Variants in PKHD1 observed in about 807,000 individuals in gnomAD.
PKHD1 encodes PKHD1 ciliary IPT domain containing fibrocystin/polyductin.
In PKHD1, 291 loss-of-function variants were observed where a neutral mutation model predicts 412.0. The observed-to-expected ratio is 0.71, with a 90% confidence interval of 0.64 to 0.78. PKHD1 has a LOEUF of 0.78. Among genes scored for constraint, PKHD1 ranks in the 30% least tolerant of loss-of-function variants. The pLI is 0.00. For missense variants in PKHD1, 4,825 were observed against 4,950.7 expected, an observed-to-expected ratio of 0.97 and a Z score of 0.76; for synonymous variants, 1,777 against 1,821.5, an observed-to-expected ratio of 0.98 and a Z score of 0.62.
intron 35 of PKHD1, among the ~76,000 whole-genome samples, chr6:51,999,925 C>T (rs536567295): frequency 3.9e-5 from 6 of 152,174 alleles, no homozygotes; most frequent in African/African-American, 1.4e-4. Context: ...CCACATATAC[C>T]ACTGAAACCC....
In PKHD1 at chr6:51,822,951, T is replaced by G. The variant is rs909417563; in HGVS notation, c.8302+7910A>C. 2.0e-5 allele frequency among the ~76,000 whole-genome samples: 3 copies of G among 152,196 alleles called. No individual in the cohort carries two copies. In the South Asian group the frequency reaches 6.2e-4, roughly 32 times the overall value. ...GCCATCATTGCATTTACTGCTACTA[T>G]ATAGCTTGTAATTTGTATTGTTAAG... On this transcript the variant is annotated intron_variant, in intron 52 of 66. Coordinates refer to ENST00000371117, the MANE Select transcript of PKHD1 (RefSeq NM_138694.4).
At chr6:51,788,569 C>T (rs1339699188) in intron 53 of PKHD1, among the ~76,000 whole-genome samples, 2 of 151,948 alleles carry the variant, frequency 1.3e-5, no homozygotes, top group Non-Finnish European at 2.9e-5. Flanking sequence ...TAAATCCCAG[C>T]CATACAAAGG....
At chr6:51,647,007 G>C (rs1439668818) in intron 63 of PKHD1, among the ~76,000 whole-genome samples, 1 of 152,114 alleles carries the variant, frequency 6.6e-6, no homozygotes, top group Non-Finnish European at 1.5e-5. Context: ...ATGGTCCCCA[G>C]AGTCCTCTGT....
At chr6:51,624,881 G>T (rs963189102) in intron 66 of PKHD1, among the ~76,000 whole-genome samples, 1 of 152,116 alleles carries the variant, frequency 6.6e-6, no homozygotes, top group Non-Finnish European at 1.5e-5. Flanking sequence ...TTGGACTTCT[G>T]GGTTCTATGC....
rs1156850979 is a variant in PKHD1 at position 51,632,163 on chromosome 6, C to T, written c.11665+402G>A. On this transcript the variant is annotated intron_variant, in intron 65 of 66. Transcript: ENST00000371117. The stretch of plus-strand genomic sequence containing the variant: ...TTCACCATGTTGGCCAGGCTGGTCT[C>T]GAAATCCTAACCTCAGGTGATCCAC... Among the ~76,000 whole-genome samples, 3 of 152,034 alleles carry T rather than the reference C, an allele frequency of 2.0e-5. No homozygotes were observed. In the East Asian group the frequency reaches 5.8e-4, roughly 30 times the overall value.
At chr6:51,657,321 T>C (rs1251899816) in intron 61 of PKHD1, among the ~76,000 whole-genome samples, 1 of 152,048 alleles carries the variant, frequency 6.6e-6, no homozygotes, top group African/African-American at 2.4e-5. Context: ...TTTTTTATCA[T>C]ACTGTGCAAC....
chr6:51,621,281 A>T (rs1367941496), intron 66 of PKHD1, among the ~76,000 whole-genome samples: 2 of 152,180 alleles, frequency 1.3e-5, no homozygotes, highest in East Asian at 3.8e-4. Flanking sequence ...GCTGGGCATC[A>T]TCTCCATAAT....
intron 52 of PKHD1, among the ~76,000 whole-genome samples, chr6:51,830,078 C>A (rs1767990205): frequency 6.6e-6 from 1 of 152,290 alleles, no homozygotes; most frequent in African/African-American, 2.4e-5. Flanking sequence ...ATTATTATTA[C>A]TTCACAGATG....
At chr6:52,070,736 A>G (rs1330748866) in intron 9 of PKHD1, among the ~76,000 whole-genome samples, 2 of 152,206 alleles carry the variant, frequency 1.3e-5, no homozygotes, top group African/African-American at 4.8e-5. Context: ...ATGGAGCACC[A>G]TTTAAATATT....
chr6:51,789,428 T>C (rs759768126), intron 53 of PKHD1, among the ~76,000 whole-genome samples: 3 of 152,082 alleles, frequency 2.0e-5, no homozygotes, highest in Non-Finnish European at 4.4e-5. Context: ...ATCTATATAT[T>C]CCCATATATT....
At chr6:51,630,942 T>C (rs965133452) in intron 65 of PKHD1, among the ~76,000 whole-genome samples, 2 of 152,032 alleles carry the variant, frequency 1.3e-5, no homozygotes, top group African/African-American at 4.8e-5. Flanking sequence ...TCCACAGATA[T>C]TGAAAGGTTG....
In PKHD1 at chr6:51,743,920, G is replaced by A. The variant is rs181659889; in HGVS notation, c.10156+465C>T. 1.2e-4 allele frequency among the ~76,000 whole-genome samples: 18 copies of A among 152,308 alleles called. No homozygotes were observed. The East Asian group carries it at 3.5e-3, about 29-fold the overall frequency. On this transcript the variant is annotated intron_variant, in intron 60 of 66. Transcript: ENST00000371117. ...GTTTGGAGCACAGCCTTGTTTGGGGGAGAGTTGGAGAATGGAGAAAAGGGA... is the reference window on the plus strand; with the variant it reads ...GTTTGGAGCACAGCCTTGTTTGGGGAAGAGTTGGAGAATGGAGAAAAGGGA...
chr6:52,064,824 T>C (rs911576419), intron 13 of PKHD1, 131 bp downstream of exon 13: 7 of 432,804 alleles, frequency 1.6e-5, no homozygotes, highest in South Asian at 5.7e-5. Flanking sequence ...AATGGTATCA[T>C]GGACCCAGGG....
intron 35 of PKHD1, among the ~76,000 whole-genome samples, chr6:51,983,117 ATTATTAATTAAT>A (rs1250045053): frequency 1.1e-4 from 17 of 152,198 alleles, no homozygotes; most frequent in Non-Finnish European, 2.1e-4. Context: ...TGGTAGCTCC[ATTATTAATTAAT>A]TTGTCAGAGA....
chr6:51,772,944 C>T (rs1357772312), intron 54 of PKHD1, among the ~76,000 whole-genome samples, 155 bp from the exon 55 acceptor site: 1 of 151,966 alleles, frequency 6.6e-6, no homozygotes, highest in Non-Finnish European at 1.5e-5. Flanking sequence ...TTTAAATGCT[C>T]TATTTTACAA....
chr6:51,753,216 G>T lies in PKHD1; in HGVS notation c.8935C>A (p.Arg2979=), dbSNP rs765020336. ...LFVGSFRKSS[R]EEFSGVLQLL... The stretch of plus-strand genomic sequence containing the variant: ...TTTCATTTACCTGAAAATTCTTCTC[G>T]GCTGGACTTCCTGAAGGACCCCACA... Residue 2979 remains arginine (R), a synonymous_variant, in exon 57 of 67, where the codon CGA becomes AGA. Coordinates refer to ENST00000371117, the MANE Select transcript of PKHD1 (RefSeq NM_138694.4). The T allele has an allele frequency of 5.0e-6, 8 of 1,613,494 alleles. No individual in the cohort carries two copies. In the South Asian group the frequency reaches 7.7e-5, roughly 16 times the overall value.
chr6:51,855,825 A>G, intron 49 of PKHD1, 68 bp downstream of exon 49: 1 of 1,220,940 alleles, frequency 8.2e-7, no homozygotes, highest in Non-Finnish European at 1.2e-6. Flanking sequence ...TCAACCCATT[A>G]TCTCAAACAA....
At chr6:52,053,339 C>T in intron 20 of PKHD1, 88 bp from the exon 21 acceptor site, 3 of 1,368,846 alleles carry the variant, frequency 2.2e-6, no homozygotes, top group East Asian at 4.9e-5. Context: ...CCTGGGGGGC[C>T]TGTGAGCTAT....
At chr6:52,074,870 C>T (rs1163550603) in intron 6 of PKHD1, among the ~76,000 whole-genome samples, 1 of 152,200 alleles carries the variant, frequency 6.6e-6, no homozygotes, top group Admixed American at 6.5e-5. Flanking sequence ...GGGGACCACT[C>T]CAACCCAGCC....
Sources: gnomAD v4.1 joint callset for allele counts (sites outside exome capture counted in the v4.1 genomes callset) on GRCh38, gnomAD v4.1.1 for gene constraint, MANE v1.5 for transcripts, NCBI Gene and HGNC (gene_info 2026-07-23, HGNC 2026-07-21) for gene names.